BCL2: variants seen among roughly 807,000 people sequenced by gnomAD.
BCL2 encodes the protein BCL2 apoptosis regulator.
Under a neutral mutation model 14.2 loss-of-function variants are expected in BCL2, and 1 was observed. That is an observed-to-expected ratio of 0.07 (90% CI 0.02 to 0.33). The LOEUF (loss-of-function observed/expected upper bound fraction) is 0.33, where lower values mean the gene tolerates loss of function less well. Ranked by LOEUF, BCL2 falls within the 10% of genes least tolerant of loss-of-function variation. The probability of loss-of-function intolerance (pLI) is 0.99; values close to 1 mark genes in which losing one functional copy is unlikely to be tolerated. For missense variants in BCL2, 247 were observed against 305.9 expected (o/e 0.81, Z 1.44); for synonymous variants, 151 against 137.2 (o/e 1.10, Z -0.70).
chr18:63,201,486 A>G (rs950995277), intron 2 of BCL2, among the ~76,000 whole-genome samples: 1 of 152,234 alleles, frequency 6.6e-6, no homozygotes, highest in African/African-American at 2.4e-5. Flanking sequence ...CTCTTTAAAA[A>G]GGAAATAAAT....
At chr18:63,302,808 G>A in intron 2 of BCL2, 1 of 985,086 alleles carries the variant, frequency 1.0e-6, no homozygotes, top group Non-Finnish European at 1.2e-6. Flanking sequence ...CCTGGCCCAT[G>A]CTGAAACTCC....
At chr18:63,229,609 CTA>C (rs919300410) in intron 2 of BCL2, among the ~76,000 whole-genome samples, 1 of 152,188 alleles carries the variant, frequency 6.6e-6, no homozygotes, top group African/African-American at 2.4e-5. Context: ...CCTTCTCTGG[CTA>C]TGTGATGTGC....
At chr18:63,152,805 G>C (rs989310838) in intron 2 of BCL2, among the ~76,000 whole-genome samples, 1 of 152,196 alleles carries the variant, frequency 6.6e-6, no homozygotes, top group African/African-American at 2.4e-5. Flanking sequence ...GGGTTGATCA[G>C]GTGATAATGC....
At chr18:63,213,620 GAGTA>G (rs1235271489) in intron 2 of BCL2, among the ~76,000 whole-genome samples, 1 of 151,238 alleles carries the variant, frequency 6.6e-6, no homozygotes, top group African/African-American at 2.4e-5. Flanking sequence ...CCACAAATGT[GAGTA>G]AGTTCATAAT....
intron 2 of BCL2, among the ~76,000 whole-genome samples, chr18:63,203,517 G>A (rs997877450): frequency 6.6e-6 from 1 of 152,226 alleles, no homozygotes; most frequent in African/African-American, 2.4e-5. Context: ...TATATCTTTA[G>A]AAGCTAAGCC....
At chr18:63,139,582 C>T (rs1914302617) in intron 2 of BCL2, among the ~76,000 whole-genome samples, 2 of 152,202 alleles carry the variant, frequency 1.3e-5, no homozygotes, top group Admixed American at 6.5e-5. Context: ...GGCCCATTTG[C>T]CCAGCAGTGG....
At chr18:63,167,544 C>A (rs925937403) in intron 2 of BCL2, among the ~76,000 whole-genome samples, 2 of 152,094 alleles carry the variant, frequency 1.3e-5, no homozygotes, top group African/African-American at 4.8e-5. Flanking sequence ...CTTTGGGAGG[C>A]CGAGGCAGGA....
intron 2 of BCL2, among the ~76,000 whole-genome samples, chr18:63,205,852 C>T (rs1448925257): frequency 6.6e-6 from 1 of 152,158 alleles, no homozygotes; most frequent in Non-Finnish European, 1.5e-5. Flanking sequence ...AAACTCCCGG[C>T]CCCATCCCCA....
chr18:63,175,479 AG>A (rs1915330863), intron 2 of BCL2, among the ~76,000 whole-genome samples: 3 of 152,384 alleles, frequency 2.0e-5, no homozygotes, highest in Admixed American at 2.0e-4. Flanking sequence ...GTAAGCAGCC[AG>A]CACAGCTGGG....
Position 63,146,504 on chromosome 18 carries a change from C to T in BCL2, c.586-17745G>A, listed in dbSNP as rs4987814. ...CGCTGGAGTCAGCCAGAGGCCCGCT[C>T]TACAAGCCTCCTTTAACCCTTGAGG... On this transcript the variant is annotated intron_variant, in intron 2 of 2. Coordinates refer to ENST00000333681, the MANE Select transcript of BCL2 (RefSeq NM_000633.3). Among the ~76,000 whole-genome samples, 707 of 152,380 alleles carry T rather than the reference C, an allele frequency of 4.6e-3. 2 individuals are homozygous for T. The highest frequency in any genetic ancestry group is 6.9e-3 in the Non-Finnish European group (472 of 68,040).
chr18:63,201,331 G>A (rs1205947039), intron 2 of BCL2, among the ~76,000 whole-genome samples: 4 of 152,230 alleles, frequency 2.6e-5, no homozygotes, highest in Non-Finnish European at 2.9e-5. Context: ...TTCAAAAGAC[G>A]CTAGTCAATT....
At position 63,143,210 on chromosome 18, in the gene BCL2, C is replaced by T. The variant is rs115098808; in HGVS notation, c.586-14451G>A. On this transcript the variant is annotated intron_variant, in intron 2 of 2. Coordinates refer to ENST00000333681, the MANE Select transcript of BCL2 (RefSeq NM_000633.3). ...AAAAACAGAAACTCAGAGAGAGAAA[C>T]GGGAGACCCAGAGACCCAGAAAGAC... Among the ~76,000 whole-genome samples the T allele has an allele frequency of 4.3e-3, 651 of 152,238 alleles. 2 individuals are homozygous for T. The highest frequency in any genetic ancestry group is 0.015 in the African/African-American group (624 of 41,526).
intron 2 of BCL2, among the ~76,000 whole-genome samples, chr18:63,183,414 A>AG (rs749292599): frequency 1.3e-5 from 2 of 152,128 alleles, no homozygotes; most frequent in Non-Finnish European, 2.9e-5. Flanking sequence ...TATGGCGAAG[A>AG]GGGTGAGGTG....
At chr18:63,239,116 C>T (rs1368296566) in intron 2 of BCL2, among the ~76,000 whole-genome samples, 1 of 152,202 alleles carries the variant, frequency 6.6e-6, no homozygotes. Flanking sequence ...TCACCAAACA[C>T]ACATTTTATC....
intron 2 of BCL2, among the ~76,000 whole-genome samples, chr18:63,303,020 T>C (rs1200470380): frequency 6.6e-6 from 1 of 152,210 alleles, no homozygotes; most frequent in Non-Finnish European, 1.5e-5. Context: ...CATCCTCATC[T>C]TGTAAACCTG....
chr18:63,242,550 C>A (rs997908890), intron 2 of BCL2, among the ~76,000 whole-genome samples: 1 of 152,132 alleles, frequency 6.6e-6, no homozygotes, highest in Non-Finnish European at 1.5e-5. Context: ...CTCCAGTGCC[C>A]AACTATCCTG....
At chr18:63,166,985 C>T (rs1915062030) in intron 2 of BCL2, among the ~76,000 whole-genome samples, 1 of 152,176 alleles carries the variant, frequency 6.6e-6, no homozygotes, top group Non-Finnish European at 1.5e-5. Flanking sequence ...TCGCATGCTC[C>T]AGCCAGGGAG....
chr18:63,211,731 G>C (rs9965844), intron 2 of BCL2, among the ~76,000 whole-genome samples: 16,487 of 152,168 alleles, frequency 0.11, 1,511 homozygotes, highest in African/African-American at 0.24. Context: ...AATACCATTG[G>C]ACTTGGCATT....
intron 2 of BCL2, among the ~76,000 whole-genome samples, chr18:63,236,630 C>T (rs769371122): frequency 8.5e-5 from 13 of 152,180 alleles, no homozygotes; most frequent in African/African-American, 1.7e-4. Flanking sequence ...CAGACTGCTC[C>T]AGTCATCTGA....
Sources: allele counts gnomAD v4.1 joint callset (sites outside exome capture counted in the v4.1 genomes callset), GRCh38; gene constraint gnomAD v4.1.1; transcripts MANE v1.5; gene names NCBI Gene and HGNC (gene_info 2026-07-23, HGNC 2026-07-21).